Variants in DGCR6L observed in about 807,000 individuals in gnomAD.
The protein encoded by DGCR6L is DiGeorge syndrome critical region gene 6 like.
DGCR6L carries 24 observed loss-of-function variants against 31.1 expected under a neutral mutation model. The observed-to-expected ratio is 0.77, with a 90% CI of 0.56 to 1.08. DGCR6L has a LOEUF of 1.08. DGCR6L is among the 50% of genes least tolerant of loss of function. The pLI, the probability that DGCR6L is intolerant of heterozygous loss-of-function variation, is 0.00. For missense variants in DGCR6L, 218 were observed against 287.1 expected (o/e 0.76, Z 1.74); for synonymous variants, 104 against 126.1 (o/e 0.82, Z 1.17).
chr22:20,317,844 T>C (rs1188827011), intron 2 of DGCR6L, among the ~76,000 whole-genome samples: 1 of 152,220 alleles, frequency 6.6e-6, no homozygotes, highest in Non-Finnish European at 1.5e-5. Context: ...ACATACATCT[T>C]ACAGCTCAAT....
At chr22:20,315,235 C>T in intron 4 of DGCR6L, 101 bp downstream of exon 4, 1 of 1,543,660 alleles carries the variant, frequency 6.5e-7, no homozygotes, top group East Asian at 2.4e-5. Context: ...CACTTCACCC[C>T]CATACCCTGA....
Position 20,314,534 on chromosome 22 carries a change from A to G in DGCR6L, c.*141T>C, listed in dbSNP as rs2051556393. 2 of 1,224,030 alleles carry G rather than the reference A, an allele frequency of 1.6e-6. No homozygotes were observed. Among genetic ancestry groups the G allele is most frequent in the Non-Finnish European group, 2.2e-6 (2 of 895,328 alleles). The allele number at this position is 1,224,030 out of a possible 1,614,324, so 75.8% of individuals were successfully genotyped here. On this transcript the variant is annotated 3_prime_UTR_variant, in exon 5 of 5. Coordinates refer to ENST00000248879, the MANE Select transcript of DGCR6L (RefSeq NM_033257.4). ...TTATGAGACTATCCTAGGGTTTGAC[A>G]GCAAGTCCCAGATGAAGGGTGACAG... is the stretch of plus-strand genomic sequence containing the variant.
chr22:20,316,859 A>G (rs912570257), intron 2 of DGCR6L, among the ~76,000 whole-genome samples: 1 of 152,218 alleles, frequency 6.6e-6, no homozygotes, highest in Non-Finnish European at 1.5e-5. Context: ...TCAGCCATCA[A>G]GTAAAGCTCC....
chr22:20,316,803 T>A (rs2051574826), intron 2 of DGCR6L, among the ~76,000 whole-genome samples: 1 of 152,184 alleles, frequency 6.6e-6, no homozygotes, highest in Non-Finnish European at 1.5e-5. Flanking sequence ...AAGTTTGGGA[T>A]GAGCTTGGGG....
intron 4 of DGCR6L, 24 bp from the exon 5 acceptor site, chr22:20,314,848 A>G: frequency 6.2e-7 from 1 of 1,610,092 alleles, no homozygotes; most frequent in South Asian, 1.1e-5. Flanking sequence ...GGGCCCCATG[A>G]AGGCCAGAGT....
intron 3 of DGCR6L, among the ~76,000 whole-genome samples, 163 bp downstream of exon 3, chr22:20,315,956 A>C (rs2051567981): frequency 6.6e-6 from 1 of 152,180 alleles, no homozygotes; most frequent in Non-Finnish European, 1.5e-5. Context: ...ATCCGCAAAG[A>C]GGAGCCACCT....
chr22:20,315,419 C>G lies in DGCR6L; in HGVS notation c.430G>C (p.Glu144Gln). ...QRAMDQKIIL[E>Q]LDRKVADQQS... ...TGGTCAGCCACCTTCCGGTCCAGCTCCAGGATGATCTTCTGGTCCATCGCC... is the reference window on the plus strand; with the variant it reads ...TGGTCAGCCACCTTCCGGTCCAGCTGCAGGATGATCTTCTGGTCCATCGCC... The change falls in exon 4 of 5, where the codon GAG (glutamate) becomes CAG (glutamine). Residue 144 changes from glutamate (E) to glutamine (Q), a missense_variant. This residue lies in a region of DGCR6L where 58 missense variants were observed against 105.4 expected (regional missense o/e 0.55). Coordinates refer to ENST00000248879, the MANE Select transcript of DGCR6L (RefSeq NM_033257.4). The G allele has an allele frequency of 6.2e-7, 1 of 1,613,958 alleles. No individual in the cohort carries two copies. Among genetic ancestry groups the G allele is most frequent in the South Asian group, 1.1e-5 (1 of 91,086 alleles).
In DGCR6L at chr22:20,319,630, C is replaced by T; in HGVS notation, c.271+9G>A. 6.2e-7 allele frequency: 1 copy of T among 1,610,590 alleles called. No homozygotes were observed. The highest frequency in any genetic ancestry group is 8.5e-7 in the Non-Finnish European group (1 of 1,179,558). ...GGAGGCGGCACCTCATCCCGCTGCC[C>T]CCGCGCACCTCGGTGCTCGTTCTGT... On this transcript the variant is annotated intron_variant, in intron 2 of 4. Transcript: ENST00000248879.
chr22:20,317,797 A>T (rs555335010), intron 2 of DGCR6L, among the ~76,000 whole-genome samples: 2 of 152,370 alleles, frequency 1.3e-5, no homozygotes, highest in East Asian at 3.9e-4. Context: ...TCTGGGCATT[A>T]AGGAATAATG....
intron 2 of DGCR6L, among the ~76,000 whole-genome samples, chr22:20,319,142 T>C (rs2051589519): frequency 6.6e-6 from 1 of 152,152 alleles, no homozygotes; most frequent in Non-Finnish European, 1.5e-5. Context: ...CAGGCCTGGC[T>C]CAAGTGGGAA....
At chr22:20,316,279 G>A in intron 2 of DGCR6L, 60 bp from the exon 3 acceptor site, 1 of 1,550,218 alleles carries the variant, frequency 6.5e-7, no homozygotes, top group Non-Finnish European at 8.7e-7. Context: ...CTCACCCATG[G>A]GCACCTGCCT....
intron 3 of DGCR6L, 128 bp from the exon 4 acceptor site, chr22:20,315,604 C>T (rs2051565749): frequency 7.2e-6 from 10 of 1,398,210 alleles, no homozygotes; most frequent in South Asian, 5.5e-5. Context: ...CTGACACCAC[C>T]GGTGCATCCT....
intron 2 of DGCR6L, chr22:20,318,559 A>G (rs2051585765): frequency 6.6e-6 from 1 of 152,220 alleles, no homozygotes; most frequent in African/African-American, 2.4e-5. Context: ...CTGGATCCTT[A>G]CTTATAAAGC....
chr22:20,317,030 G>A (rs1452837325), intron 2 of DGCR6L, among the ~76,000 whole-genome samples: 2 of 152,200 alleles, frequency 1.3e-5, no homozygotes, highest in Non-Finnish European at 2.9e-5. Context: ...AATGGCTACA[G>A]CTCCCCAGGA....
intron 3 of DGCR6L, 129 bp from the exon 4 acceptor site, chr22:20,315,605 G>A (rs565698219): frequency 4.2e-5 from 58 of 1,396,998 alleles, no homozygotes; most frequent in Non-Finnish European, 5.4e-5. Flanking sequence ...TGACACCACC[G>A]GTGCATCCTC....
chr22:20,319,413 G>C (rs1024830311), intron 2 of DGCR6L, among the ~76,000 whole-genome samples: 1 of 152,234 alleles, frequency 6.6e-6, no homozygotes, highest in Non-Finnish European at 1.5e-5. Context: ...CCCGAACAGG[G>C]AGTTTCTGCT....
rs369940508 is a variant in DGCR6L at position 20,315,061 on chromosome 22, G to A, written c.514-237C>T. On this transcript the variant is annotated intron_variant, in intron 4 of 4. Coordinates refer to ENST00000248879, the MANE Select transcript of DGCR6L (RefSeq NM_033257.4). Reference sequence around the variant, plus strand: ...GCCTCTGCCCCCAGCAGGGCCACTCGGAATGGCATGCGGGAGGGGAGCAGA... The same window carrying A: ...GCCTCTGCCCCCAGCAGGGCCACTCAGAATGGCATGCGGGAGGGGAGCAGA... The A allele has an allele frequency of 2.2e-4, 267 of 1,208,906 alleles. 1 individual carries two copies. In the East Asian group the frequency reaches 5.4e-3, roughly 24 times the overall value. 74.9% of individuals were successfully genotyped at this position (1,208,906 alleles called of 1,614,324 possible).
chr22:20,314,842 C>G lies in DGCR6L; in HGVS notation c.514-18G>C. Reference sequence around the variant, plus strand: ...ATCAGCTCCTGGGATACAGAGGGGCCCCATGAAGGCCAGAGTGACCCCCAG... The same window carrying G: ...ATCAGCTCCTGGGATACAGAGGGGCGCCATGAAGGCCAGAGTGACCCCCAG... On this transcript the variant is annotated intron_variant, in intron 4 of 4. Coordinates refer to ENST00000248879, the MANE Select transcript of DGCR6L (RefSeq NM_033257.4). 6.2e-7 allele frequency: 1 copy of G among 1,610,234 alleles called. No individual in the cohort carries two copies. Among genetic ancestry groups the G allele is most frequent in the Non-Finnish European group, 8.5e-7 (1 of 1,178,658 alleles).
chr22:20,315,168 G>A, intron 4 of DGCR6L, 168 bp downstream of exon 4: 1 of 1,482,894 alleles, frequency 6.7e-7, no homozygotes, highest in Non-Finnish European at 9.1e-7. Flanking sequence ...GTAGGGAATG[G>A]GCCTGGCCTC....
Sources: gnomAD v4.1 joint callset for allele counts (sites outside exome capture counted in the v4.1 genomes callset) on GRCh38, gnomAD v4.1.1 for gene constraint, gnomAD v4.1.1 regional missense constraint, MANE v1.5 for transcripts, NCBI Gene and HGNC (gene_info 2026-07-23, HGNC 2026-07-21) for gene names.